WDPCP: variants seen among roughly 807,000 people sequenced by gnomAD.
WDPCP encodes the protein WD repeat containing planar cell polarity effector, also known as WD repeat-containing and planar cell polarity effector protein fritz homolog.
WDPCP carries 71 observed loss-of-function variants against 93.1 expected under a neutral mutation model. The ratio of observed to expected loss-of-function variants is 0.76; its 90% CI spans 0.63 to 0.93. The LOEUF is 0.93. WDPCP is among the 40% of genes least tolerant of loss of function. The pLI is 0.00. For synonymous variants in WDPCP, 315 were observed against 315.0 expected (o/e 1.00, Z 0.00); for missense variants, 844 against 887.4 (o/e 0.95, Z 0.62).
chr2:63,530,879 G>C (rs1703780271), intron 1 of WDPCP, among the ~76,000 whole-genome samples: 1 of 64 alleles, frequency 0.016, no homozygotes, highest in Non-Finnish European at 0.038. Flanking sequence ...GTGAGCCAAA[G>C]CAAGGCGGGC....
At chr2:63,602,810 C>CACTCAGTTT (rs1681591187) in intron 3 of WDPCP, among the ~76,000 whole-genome samples, 1 of 152,142 alleles carries the variant, frequency 6.6e-6, no homozygotes, top group Non-Finnish European at 1.5e-5. Flanking sequence ...GGCTCTTTTT[C>CACTCAGTTT]ACTCAGTTTA....
chr2:63,146,712 T>C (rs1671536893), intron 17 of WDPCP, among the ~76,000 whole-genome samples: 2 of 152,160 alleles, frequency 1.3e-5, no homozygotes, highest in South Asian at 2.1e-4. Context: ...TATGCTAAAG[T>C]GGCTAAAGAG....
rs149816793 is a variant in WDPCP, at chr2:63,719,696, T to G, written n.309-68858A>C. 3.6e-3 allele frequency among the ~76,000 whole-genome samples: 542 copies of G among 152,250 alleles called. 4 individuals carry two copies. The highest frequency in any genetic ancestry group is 0.012 in the African/African-American group (506 of 41,546). ...AATGTATGTTCCCATACATTCTTTTTGAGCGTATGAAATATTTCGGAGCAT... is the reference window on the plus strand; with the variant it reads ...AATGTATGTTCCCATACATTCTTTTGGAGCGTATGAAATATTTCGGAGCAT... On this transcript the variant is annotated intron_variant and non_coding_transcript_variant, in intron 2 of 4. Transcript: ENST00000467687.
intron 1 of WDPCP, among the ~76,000 whole-genome samples, chr2:63,549,828 T>G (rs1166979595): frequency 2.0e-5 from 3 of 152,128 alleles, no homozygotes; most frequent in Non-Finnish European, 4.4e-5. Context: ...AAGACGGACA[T>G]AAGAACACAC....
chr2:63,204,034 T>C (rs572063069), intron 14 of WDPCP, among the ~76,000 whole-genome samples: 14 of 152,336 alleles, frequency 9.2e-5, no homozygotes, highest in African/African-American at 3.1e-4. Context: ...ATCTCTTTGA[T>C]AGACTAATGT....
chr2:63,686,254 C>T (rs1461088339), intron 2 of WDPCP, among the ~76,000 whole-genome samples: 1 of 152,086 alleles, frequency 6.6e-6, no homozygotes, highest in African/African-American at 2.4e-5. Context: ...AGTAAAGTTG[C>T]ATACAAAATC....
chr2:63,156,704 C>T (rs1672277556), intron 15 of WDPCP, among the ~76,000 whole-genome samples: 1 of 152,154 alleles, frequency 6.6e-6, no homozygotes, highest in Non-Finnish European at 1.5e-5. Flanking sequence ...TGCCATTGCA[C>T]TCTAGCCTGG....
intron 15 of WDPCP, among the ~76,000 whole-genome samples, chr2:63,157,072 T>C (rs1672310835): frequency 6.6e-6 from 1 of 150,840 alleles, no homozygotes; most frequent in African/African-American, 2.4e-5. Context: ...TAATTATGAA[T>C]GGGTATGGAA....
intron 14 of WDPCP, among the ~76,000 whole-genome samples, chr2:63,235,978 G>A (rs1679356104): frequency 6.6e-6 from 1 of 152,134 alleles, no homozygotes; most frequent in Admixed American, 6.6e-5. Context: ...AGTACTGGAA[G>A]CCCTAGTCAG....
intron 6 of WDPCP, among the ~76,000 whole-genome samples, chr2:63,445,681 G>C (rs1413920179): frequency 6.6e-6 from 1 of 152,172 alleles, no homozygotes; most frequent in African/African-American, 2.4e-5. Flanking sequence ...AGGCAAGGTG[G>C]TAAAGGGAGG....
At chr2:63,287,601 G>C (rs1046039602) in intron 13 of WDPCP, among the ~76,000 whole-genome samples, 1 of 152,122 alleles carries the variant, frequency 6.6e-6, no homozygotes, top group Non-Finnish European at 1.5e-5. Context: ...CTGTTTTACA[G>C]TTTTCAATAG....
chr2:63,756,567 T>C (rs1451033348), intron 2 of WDPCP, among the ~76,000 whole-genome samples: 2 of 152,162 alleles, frequency 1.3e-5, no homozygotes, highest in Non-Finnish European at 2.9e-5. Flanking sequence ...ACACAAGATA[T>C]CAAGTTGGGA....
At chr2:63,201,530 A>C (rs1389109210) in intron 14 of WDPCP, among the ~76,000 whole-genome samples, 1 of 152,222 alleles carries the variant, frequency 6.6e-6, no homozygotes, top group Non-Finnish European at 1.5e-5. Flanking sequence ...TTAAGGTTTT[A>C]GATCAATGTT....
chr2:63,235,769 A>G (rs983193092), intron 14 of WDPCP, among the ~76,000 whole-genome samples: 3 of 152,314 alleles, frequency 2.0e-5, no homozygotes, highest in African/African-American at 7.2e-5. Context: ...CAAGAGACAC[A>G]GAAAAAGCCT....
rs1001993075 is a variant in WDPCP, at chr2:63,727,193, G to T, written n.309-76355C>A. 3.9e-5 allele frequency among the ~76,000 whole-genome samples: 6 copies of T among 152,048 alleles called. No homozygotes were observed. The South Asian group carries it at 6.2e-4, about 16-fold the overall frequency. ...TGTGGGCTGTGGGTTTGTCATAGAT[G>T]GTTCTTATTATTTTGAGGTACGTTC... On this transcript the variant is annotated intron_variant and non_coding_transcript_variant, in intron 2 of 4. Transcript: ENST00000467687.
intron 2 of WDPCP, among the ~76,000 whole-genome samples, chr2:63,673,748 T>C (rs1445337647): frequency 6.6e-6 from 1 of 152,204 alleles, no homozygotes; most frequent in Admixed American, 6.5e-5. Flanking sequence ...AAAGTCTTAT[T>C]TGAGAAAGTC....
chr2:63,697,640 A>T (rs1212523103), intron 2 of WDPCP, among the ~76,000 whole-genome samples: 2 of 152,064 alleles, frequency 1.3e-5, no homozygotes. Context: ...TATTTTCTAT[A>T]ATAAATCTTT....
intron 12 of WDPCP, among the ~76,000 whole-genome samples, chr2:63,369,943 A>G (rs1691241549): frequency 1.3e-5 from 2 of 152,206 alleles, no homozygotes; most frequent in Admixed American, 1.3e-4. Context: ...GTTAAAGGAA[A>G]CCAGACTGCC....
intron 12 of WDPCP, among the ~76,000 whole-genome samples, chr2:63,326,582 A>G: frequency 6.6e-6 from 1 of 151,370 alleles, no homozygotes; most frequent in Non-Finnish European, 1.5e-5. Flanking sequence ...GAAAGAGACA[A>G]AGTCAAAGAA....
Sources: gnomAD v4.1 joint callset for allele counts (sites outside exome capture counted in the v4.1 genomes callset) on GRCh38, gnomAD v4.1.1 for gene constraint, MANE v1.5 for transcripts, NCBI Gene and HGNC (gene_info 2026-07-23, HGNC 2026-07-21) for gene names.